Variants in IL1RL2 observed in about 807,000 individuals in gnomAD.
IL1RL2 encodes the protein interleukin-1 receptor-like 2.
A neutral mutation model predicts 66.8 loss-of-function variants in IL1RL2; 68 were observed. The observed-to-expected ratio is 1.02, with a 90% confidence interval of 0.84 to 1.25. The LOEUF (loss-of-function observed/expected upper bound fraction) is 1.25, where lower values mean the gene tolerates loss of function less well. IL1RL2 is among the 50% of genes most tolerant of loss of function. IL1RL2 has a pLI of 0.00. For synonymous variants in IL1RL2, 305 were observed against 264.6 expected (o/e 1.15, Z -1.48); for missense variants, 729 against 709.3 (o/e 1.03, Z -0.32).
chr2:102,191,440 CTGGGA>C (rs1417157710), intron 3 of IL1RL2, among the ~76,000 whole-genome samples: 3 of 152,168 alleles, frequency 2.0e-5, no homozygotes, highest in Middle Eastern at 3.2e-3. Flanking sequence ...AGTTACCAAT[CTGGGA>C]TCATGCATTG....
chr2:102,233,658 C>T (rs1042437697), intron 10 of IL1RL2, among the ~76,000 whole-genome samples: 6 of 152,086 alleles, frequency 3.9e-5, no homozygotes, highest in African/African-American at 7.3e-5. Context: ...CAGTTAACTT[C>T]TCTCAACCTC....
chr2:102,210,986 C>T (rs10168021), intron 5 of IL1RL2, among the ~76,000 whole-genome samples: 5 of 151,636 alleles, frequency 3.3e-5, no homozygotes, highest in African/African-American at 1.2e-4. Context: ...AATGAGGAGG[C>T]AAAAGTAGTT....
chr2:102,220,689 G>A (rs1690037279), intron 8 of IL1RL2, among the ~76,000 whole-genome samples: 1 of 151,504 alleles, frequency 6.6e-6, no homozygotes, highest in African/African-American at 2.4e-5. Context: ...ATGTGTGTGT[G>A]TGTGTGTGTG....
rs186147219 is a variant in IL1RL2 at position 102,203,129 on chromosome 2, A to G, written c.649+1414A>G. Among the ~76,000 whole-genome samples the G allele has an allele frequency of 1.3e-4, 20 of 152,294 alleles. No individual in the cohort carries two copies. The East Asian group carries it at 3.7e-3, about 28-fold the overall frequency. On this transcript the variant is annotated intron_variant, in intron 5 of 11. Coordinates refer to ENST00000264257, the MANE Select transcript of IL1RL2 (RefSeq NM_003854.4). The stretch of plus-strand genomic sequence containing the variant: ...CAAATGCTTTTTCCGCATCAATTGC[A>G]ATGACCATATGGTTTTTAGCCTTTA...
At chr2:102,189,566 G>A (rs981988851) in intron 3 of IL1RL2, among the ~76,000 whole-genome samples, 10 of 152,024 alleles carry the variant, frequency 6.6e-5, no homozygotes, top group Admixed American at 1.3e-4. Context: ...GTTTGTCCCA[G>A]TATTATTGCT....
intron 3 of IL1RL2, among the ~76,000 whole-genome samples, chr2:102,191,587 G>A (rs1687237322): frequency 6.6e-6 from 1 of 152,184 alleles, no homozygotes; most frequent in Non-Finnish European, 1.5e-5. Flanking sequence ...GGGTTTGTCA[G>A]GTATTTCTTC....
chr2:102,231,962 T>C (rs1648608575), intron 9 of IL1RL2, among the ~76,000 whole-genome samples: 1 of 152,326 alleles, frequency 6.6e-6, no homozygotes, highest in East Asian at 1.9e-4. Flanking sequence ...CAGGACACGC[T>C]GAGGGTAACA....
chr2:102,227,121 T>C (rs765363324), intron 9 of IL1RL2, among the ~76,000 whole-genome samples: 11 of 152,220 alleles, frequency 7.2e-5, no homozygotes, highest in Non-Finnish European at 1.6e-4. Flanking sequence ...ACAGATACAA[T>C]CTATTAAGGC....
chr2:102,192,866 G>T (rs1002695221), intron 4 of IL1RL2, among the ~76,000 whole-genome samples: 6 of 152,094 alleles, frequency 3.9e-5, no homozygotes, highest in African/African-American at 1.4e-4. Context: ...AAAGAATTAC[G>T]CAAATTTCTT....
intron 4 of IL1RL2, among the ~76,000 whole-genome samples, chr2:102,195,655 CTT>C (rs533765170): frequency 2.3e-5 from 1 of 42,632 alleles, no homozygotes; most frequent in Non-Finnish European, 6.0e-5. Flanking sequence ...CTCTTTCTTT[CTT>C]TCTTTCTTTC....
At chr2:102,219,568 G>A (rs1234201980) in intron 7 of IL1RL2, among the ~76,000 whole-genome samples, 2 of 152,186 alleles carry the variant, frequency 1.3e-5, no homozygotes, top group African/African-American at 4.8e-5. Flanking sequence ...TCAGAGGGCA[G>A]GAGAGCTTGT....
chr2:102,195,661 T>C (rs1220225914), intron 4 of IL1RL2, among the ~76,000 whole-genome samples: 3,265 of 72,768 alleles, frequency 0.045, 216 homozygotes, highest in East Asian at 0.13. Context: ...CTTTCTTTCT[T>C]TCTTTCTTTC....
At chr2:102,217,586 A>G (rs1288179003) in intron 6 of IL1RL2, among the ~76,000 whole-genome samples, 1 of 152,190 alleles carries the variant, frequency 6.6e-6, no homozygotes, top group Non-Finnish European at 1.5e-5. Flanking sequence ...AAACAGGCAC[A>G]TAGATCAATG....
At chr2:102,213,499 AATT>A (rs1689355615) in intron 6 of IL1RL2, among the ~76,000 whole-genome samples, 1 of 152,118 alleles carries the variant, frequency 6.6e-6, no homozygotes, top group Non-Finnish European at 1.5e-5. Context: ...AAATATATGT[AATT>A]ATTATTTGTC....
At position 102,195,627 on chromosome 2, in the gene IL1RL2, T is replaced by TC. The variant is rs1687670936; in HGVS notation, c.489+3507_489+3508insC. ...TTTCTTTCTTTCTTTCTTTCTTTCT[T>TC]TCTCTCTCTCTCTCTCTCTCTTTCT... is the stretch of plus-strand genomic sequence containing the variant. On this transcript the variant is annotated intron_variant, in intron 4 of 11. Transcript: ENST00000264257. Among the ~76,000 whole-genome samples the TC allele has an allele frequency of 2.3e-3, 34 of 14,620 alleles. 1 individual carries two copies. The highest frequency in any genetic ancestry group is 4.4e-3 in the Non-Finnish European group (27 of 6,096). 9.6% of individuals were successfully genotyped at this position (14,620 alleles called of 152,430 possible).
intron 8 of IL1RL2, 51 bp from the exon 9 acceptor site, chr2:102,225,847 G>A (rs1205199642): frequency 7.3e-7 from 1 of 1,377,528 alleles, no homozygotes; most frequent in Non-Finnish European, 9.7e-7. Flanking sequence ...TGGACTCTTT[G>A]TTTCATTATT....
chr2:102,207,484 C>T (rs536421042), intron 5 of IL1RL2, among the ~76,000 whole-genome samples: 7 of 152,228 alleles, frequency 4.6e-5, no homozygotes, highest in African/African-American at 9.6e-5. Context: ...GAATCCTTTC[C>T]GTCAAGGCAG....
intron 11 of IL1RL2, 39 bp downstream of exon 11, chr2:102,235,316 A>C: frequency 1.9e-6 from 3 of 1,591,192 alleles, no homozygotes; most frequent in Non-Finnish European, 2.6e-6. Context: ...TCACGCACTG[A>C]TGGAGGGTCT....
chr2:102,207,948 G>T (rs752193521), intron 5 of IL1RL2, among the ~76,000 whole-genome samples: 11 of 152,156 alleles, frequency 7.2e-5, no homozygotes, highest in Non-Finnish European at 1.5e-4. Context: ...GTCTAGGGCT[G>T]GTTTAAATGT....
Sources: allele counts gnomAD v4.1 joint callset (sites outside exome capture counted in the v4.1 genomes callset), GRCh38; gene constraint gnomAD v4.1.1; transcripts MANE v1.5; gene names NCBI Gene and HGNC (gene_info 2026-07-23, HGNC 2026-07-21).